Variants in SRSF11 observed in about 807,000 individuals in gnomAD.
The protein encoded by SRSF11 is serine and arginine rich splicing factor 11.
Under a neutral mutation model 56.0 loss-of-function variants are expected in SRSF11, and 9 were observed. The ratio of observed to expected loss-of-function variants is 0.16; its 90% CI spans 0.10 to 0.28. The LOEUF is 0.28. Ranked by LOEUF, SRSF11 falls within the 10% of genes least tolerant of loss-of-function variation. The pLI is 1.00. For missense variants in SRSF11, 421 were observed against 600.7 expected, an observed-to-expected ratio of 0.70 and a Z score of 3.13; for synonymous variants, 222 against 215.3, an observed-to-expected ratio of 1.03 and a Z score of -0.27.
At chr1:70,250,153 G>GT (rs1677674372) in intron 10 of SRSF11, 106 bp downstream of exon 10, 1 of 1,282,576 alleles carries the variant, frequency 7.8e-7, no homozygotes, top group African/African-American at 1.5e-5. Flanking sequence ...TCTTAAGAAT[G>GT]TTTTAATGTA....
Position 70,252,684 on chromosome 1 carries a change from T to C in SRSF11, c.*1879T>C, listed in dbSNP as rs1390162752. On this transcript the variant is annotated 3_prime_UTR_variant, in exon 12 of 12. Transcript: ENST00000370949. Reference sequence around the variant, plus strand: ...AACACAAATGACATTTGTTTTAAACTTTAGTAGATAAAAGGTGAACCATGT... The same window carrying C: ...AACACAAATGACATTTGTTTTAAACCTTAGTAGATAAAAGGTGAACCATGT... The C allele has an allele frequency of 6.6e-6, 1 of 152,216 alleles. No individual in the cohort carries two copies. Among genetic ancestry groups the C allele is most frequent in the East Asian group, 1.9e-4 (1 of 5,198 alleles). 9.4% of individuals were successfully genotyped at this position (152,216 alleles called of 1,614,324 possible).
intron 3 of SRSF11, 28 bp downstream of exon 3, chr1:70,232,405 G>T (rs776059486): frequency 1.3e-6 from 2 of 1,562,432 alleles, no homozygotes; most frequent in South Asian, 2.3e-5. Context: ...TTCTTAAAGG[G>T]TGGGGAAAAA....
chr1:70,242,845 T>C (rs1484331958), intron 7 of SRSF11, among the ~76,000 whole-genome samples: 1 of 152,154 alleles, frequency 6.6e-6, no homozygotes, highest in Non-Finnish European at 1.5e-5. Flanking sequence ...TTGGTGCCTT[T>C]TATTTAAATC....
chr1:70,236,792 A>ATTTTTTTTTTTTTTTTT (rs35602423), intron 5 of SRSF11, among the ~76,000 whole-genome samples: 1 of 83,738 alleles, frequency 1.2e-5, no homozygotes, highest in Non-Finnish European at 2.4e-5. Flanking sequence ...TATGTCATAA[A>ATTTTTTTTTTTTTTTTT]TTTTTTTTTT....
intron 2 of SRSF11, chr1:70,231,319 TTAA>T: frequency 1.7e-6 from 2 of 1,156,592 alleles, no homozygotes. Flanking sequence ...CTTGGGCACA[TTAA>T]CAGATTAATC....
Position 70,251,546 on chromosome 1 carries a change from G to A in SRSF11, c.*741G>A, listed in dbSNP as rs1219721124. 4 of 152,266 alleles carry A rather than the reference G, an allele frequency of 2.6e-5. No homozygotes were observed. The highest frequency in any genetic ancestry group is 5.9e-5 in the Non-Finnish European group (4 of 67,950). 9.4% of individuals were successfully genotyped at this position (152,266 alleles called of 1,614,324 possible). A position where few individuals can be genotyped will look rare whatever the true frequency, so the allele number is the denominator to read the frequency against. On this transcript the variant is annotated 3_prime_UTR_variant, in exon 12 of 12. Transcript: ENST00000370949. ...GATGTTTGGGAATTTTTTTCCTGAA[G>A]TAATAATTTATTCCACATCTACATC...
intron 10 of SRSF11, 87 bp from the exon 11 acceptor site, chr1:70,250,278 C>A: frequency 6.4e-7 from 1 of 1,553,602 alleles, no homozygotes; most frequent in African/African-American, 1.4e-5. Flanking sequence ...TGGATCTTTG[C>A]TGTACTACTT....
At chr1:70,225,164 A>C (rs1419012478) in intron 1 of SRSF11, among the ~76,000 whole-genome samples, 1 of 152,194 alleles carries the variant, frequency 6.6e-6, no homozygotes, top group African/African-American at 2.4e-5. Context: ...TCAGGTGATG[A>C]TCCCAGTGAA....
chr1:70,232,156 A>G (rs1177392191), intron 2 of SRSF11, 112 bp from the exon 3 acceptor site: 5 of 1,575,370 alleles, frequency 3.2e-6, no homozygotes, highest in South Asian at 2.3e-5. Flanking sequence ...TAGCGAACAT[A>G]AGTACTTTCA....
At chr1:70,230,648 G>A (rs1672673079) in intron 2 of SRSF11, 2 of 1,254,250 alleles carry the variant, frequency 1.6e-6, no homozygotes, top group East Asian at 1.1e-4. Flanking sequence ...TTTTTAAATT[G>A]TAGTTTTATT....
At chr1:70,241,261 C>T (rs150502777) in intron 7 of SRSF11, among the ~76,000 whole-genome samples, 108 of 152,278 alleles carry the variant, frequency 7.1e-4, no homozygotes, top group African/African-American at 2.4e-3. Context: ...GACTTTGTCA[C>T]GTCTCTATTA....
chr1:70,250,935 T>C lies in SRSF11; in HGVS notation c.*130T>C, dbSNP rs755075953. The C allele has an allele frequency of 4.0e-6, 3 of 750,174 alleles. No homozygotes were observed. Among genetic ancestry groups the C allele is most frequent in the Non-Finnish European group, 6.4e-6 (3 of 467,458 alleles). 46.5% of individuals were successfully genotyped at this position (750,174 alleles called of 1,614,324 possible). On this transcript the variant is annotated 3_prime_UTR_variant, in exon 12 of 12. Transcript: ENST00000370949. ...TCTGAGTTATAAATGGTTATAAAGC[T>C]CCTGTTACTCATATTAGTTATTTAC...
intron 1 of SRSF11, among the ~76,000 whole-genome samples, chr1:70,227,959 C>G (rs1352329106): frequency 1.3e-5 from 2 of 152,088 alleles, no homozygotes; most frequent in East Asian, 1.9e-4. Context: ...TTATGCAGTT[C>G]AAGAAAACTC....
chr1:70,210,664 A>G (rs911621744), intron 1 of SRSF11, among the ~76,000 whole-genome samples: 7 of 152,110 alleles, frequency 4.6e-5, no homozygotes, highest in African/African-American at 1.7e-4. Flanking sequence ...GCAATGAGCT[A>G]AAATTGTGCC....
chr1:70,249,946 T>C lies in SRSF11; in HGVS notation c.1023-6T>C, dbSNP rs1677618404. On this transcript the variant is annotated splice_polypyrimidine_tract_variant and splice_region_variant and intron_variant, in intron 9 of 11. Transcript: ENST00000370949. ...TAAAACCTAGTTTGCACATTTGTGA[T>C]TCTAGAGAGAGACGACGACGAAGAA... is the stretch of plus-strand genomic sequence containing the variant. The C allele has an allele frequency of 1.2e-6, 2 of 1,613,870 alleles. No homozygotes were observed. The highest frequency in any genetic ancestry group is 1.3e-5 in the African/African-American group (1 of 74,924).
chr1:70,229,345 G>T, intron 2 of SRSF11: 1 of 1,219,308 alleles, frequency 8.2e-7, no homozygotes. Flanking sequence ...GTAACCATTT[G>T]TTAACTACAT....
rs755835751 is a variant in SRSF11 at position 70,206,889 on chromosome 1, C to CTT, written c.-26+1128_-26+1129dup. 2.9e-3 allele frequency among the ~76,000 whole-genome samples: 343 copies of CTT among 118,972 alleles called. 4 individuals are homozygous for CTT. Among genetic ancestry groups the CTT allele is most frequent in the African/African-American group, 9.1e-3 (296 of 32,460 alleles). 78.1% of individuals were successfully genotyped at this position (118,972 alleles called of 152,430 possible). A position where few individuals can be genotyped will look rare whatever the true frequency, so the allele number is the denominator to read the frequency against. Reference sequence around the variant, plus strand: ...AAAAAAGCAAAGAGTGGATTTTTGTCTTTTTTTTTTTTTTTTTTTTGAGAC... The same window carrying CTT: ...AAAAAAGCAAAGAGTGGATTTTTGTCTTTTTTTTTTTTTTTTTTTTTTGAGAC... On this transcript the variant is annotated intron_variant, in intron 1 of 12. Transcript: ENST00000370950.
chr1:70,226,015 A>G (rs1352931232), intron 1 of SRSF11, among the ~76,000 whole-genome samples: 3 of 152,036 alleles, frequency 2.0e-5, no homozygotes, highest in Non-Finnish European at 4.4e-5. Flanking sequence ...ACATGGTGAA[A>G]CCCCATCTCT....
At chr1:70,246,030 C>T (rs1676665406) in intron 8 of SRSF11, among the ~76,000 whole-genome samples, 1 of 151,724 alleles carries the variant, frequency 6.6e-6, no homozygotes, top group South Asian at 2.1e-4. Flanking sequence ...CGAGGATGAC[C>T]AGAGAAGGGA....
Sources: allele counts gnomAD v4.1 joint callset (sites outside exome capture counted in the v4.1 genomes callset), GRCh38; gene constraint gnomAD v4.1.1; transcripts MANE v1.5; gene names NCBI Gene and HGNC (gene_info 2026-07-23, HGNC 2026-07-21).